KRI1: variants seen among roughly 807,000 people sequenced by gnomAD.
KRI1 encodes KRI1 homolog.
In KRI1, 83 loss-of-function variants were observed where a neutral mutation model predicts 97.0. The ratio of observed to expected loss-of-function variants is 0.86; its 90% CI spans 0.72 to 1.03. The LOEUF (loss-of-function observed/expected upper bound fraction) is 1.03, where lower values mean the gene tolerates loss of function less well. Among genes scored for constraint, KRI1 ranks in the 50% least tolerant of loss-of-function variants. The pLI is 0.00. For synonymous variants in KRI1, 371 were observed against 363.5 expected (o/e 1.02, Z -0.23); for missense variants, 916 against 928.4 (o/e 0.99, Z 0.17).
intron 16 of KRI1, among the ~76,000 whole-genome samples, chr19:10,555,783 G>A (rs936809294): frequency 1.3e-5 from 2 of 152,168 alleles, no homozygotes; most frequent in Non-Finnish European, 2.9e-5. Flanking sequence ...ATTGAATGCC[G>A]ATGGTATAAG....
rs200236072 is a variant in KRI1, at chr19:10,561,650, C to T, written c.488+17G>A. 223 of 1,613,212 alleles carry T rather than the reference C, an allele frequency of 1.4e-4. No homozygotes were observed. The African/African-American group carries it at 2.5e-3, about 18-fold the overall frequency. ...CAACTTTCCTCCATTGGGCCATTCC[C>T]GCCCACCCAGCCTCACCTTTCCTTG... On this transcript the variant is annotated intron_variant, in intron 6 of 18. Coordinates refer to ENST00000312962, the MANE Select transcript of KRI1 (RefSeq NM_023008.5).
Position 10,561,794 on chromosome 19 carries a change from G to T in KRI1, c.435C>A (p.Leu145=), listed in dbSNP as rs1339143998. Residue 145 remains leucine, a synonymous_variant, in exon 5 of 19, where the codon CTC becomes CTA. Transcript: ENST00000312962. ...ACCCAGCCTTCACCCCACCCACCTG[G>T]AGTCTGTGATTGGAAGTCTCCCCGT... ...NSDGETSNHR[L]QETSSQSYVE... 6.2e-7 allele frequency: 1 copy of T among 1,613,926 alleles called. No homozygotes were observed. Among genetic ancestry groups the T allele is most frequent in the Non-Finnish European group, 8.5e-7 (1 of 1,179,924 alleles).
chr19:10,557,892 C>A lies in KRI1; in HGVS notation c.1363G>T (p.Asp455Tyr). Residue 455 changes from aspartate (D) to tyrosine (Y), a missense_variant, in exon 15 of 19, where the codon GAC (aspartate) becomes TAC (tyrosine). Asp to Tyr is a radical substitution (Grantham distance 160, BLOSUM62 -3). This residue lies in a region of KRI1 where 672 missense variants were observed against 667.2 expected (regional missense o/e 1.01). Transcript: ENST00000312962. ...LHCEDPNFNM[D>Y]ADYDPSQPRK... ...GGCTGGCTGGGGTCGTAGTCGGCGT[C>A]CATCTGCCAGGACGCACAGGTCAGA... The A allele has an allele frequency of 6.2e-7, 1 of 1,613,572 alleles. No individual in the cohort carries two copies. Among genetic ancestry groups the A allele is most frequent in the African/African-American group, 1.3e-5 (1 of 75,044 alleles).
rs79724601 is a variant in KRI1 at position 10,554,425 on chromosome 19, C to T, written c.1782-144G>A. On this transcript the variant is annotated intron_variant, in intron 18 of 18. Transcript: ENST00000312962. ...ACCGAGGGCCTGCCTGGGATTCAGA[C>T]CTGGGTTTCAGGCCAAAGCCAGCGC... The T allele has an allele frequency of 2.0e-3, 1,399 of 705,392 alleles. 35 individuals carry two copies. The East Asian group carries it at 0.032, about 16-fold the overall frequency. 43.7% of individuals were successfully genotyped at this position (705,392 alleles called of 1,614,324 possible).
rs200816303 is a variant in KRI1, at chr19:10,561,004, A to G, written c.662T>C (p.Leu221Pro). 3.8e-5 allele frequency: 62 copies of G among 1,612,998 alleles called. No individual in the cohort carries two copies. The highest frequency in any genetic ancestry group is 1.8e-4 in the Admixed American group (11 of 60,016). ...CAGCGACCATGCGTGAGAACTCACC[A>G]GTTCCTTCAGGGAATCTGGGTTCCG... ...EIRNPDSLKE[L>P]THLKEYWNDP... Residue 221 changes from leucine to proline, a missense_variant and splice_region_variant, in exon 8 of 19, where the codon CTG (leucine) becomes CCG (proline). Physicochemically the swap from Leu to Pro is moderately conservative, Grantham distance 98. Transcript: ENST00000312962.
In KRI1 at chr19:10,564,928, C is replaced by T; in HGVS notation, c.274+1G>A. The T allele has an allele frequency of 1.3e-6, 2 of 1,593,474 alleles. No homozygotes were observed. The highest frequency in any genetic ancestry group is 1.7e-6 in the Non-Finnish European group (2 of 1,161,292). On this transcript the variant is annotated splice_donor_variant, in intron 3 of 18. Coordinates refer to ENST00000312962, the MANE Select transcript of KRI1 (RefSeq NM_023008.5). LOFTEE classifies it high-confidence loss of function. ...AGGTTTAGACAGGAGTGGCCCCGGA[C>T]CTGTTCTGTTATAGAAGGTGGCATC...
In KRI1 at chr19:10,564,413, T is replaced by C. The variant is rs191426413; in HGVS notation, c.274+516A>G. ...AGACGGAGGTTGCAGTGAGCTGAGATCGTCCCATTGCAACCCAGCCTGGGC... is the reference window on the plus strand; with the variant it reads ...AGACGGAGGTTGCAGTGAGCTGAGACCGTCCCATTGCAACCCAGCCTGGGC... On this transcript the variant is annotated intron_variant, in intron 3 of 18. Coordinates refer to ENST00000312962, the MANE Select transcript of KRI1 (RefSeq NM_023008.5). Among the ~76,000 whole-genome samples the C allele has an allele frequency of 3.4e-3, 519 of 151,592 alleles. 4 individuals carry two copies. The highest frequency in any genetic ancestry group is 0.011 in the African/African-American group (468 of 41,234).
intron 12 of KRI1, among the ~76,000 whole-genome samples, chr19:10,559,044 G>A (rs1235944163): frequency 7.5e-5 from 11 of 147,488 alleles, no homozygotes; most frequent in African/African-American, 2.8e-4. Context: ...TCCCTCTGTC[G>A]CCCAGGCTGG....
chr19:10,558,226 TC>T lies in KRI1; in HGVS notation c.1207del (p.Asp403ThrfsTer70). ...HDQLMQKCFG[D>X]EYYGAVEEEK... Reference sequence around the variant, plus strand: ...CTCCTCCACGGCCCCGTAGTACTCGTCCCCAAAGCACTTCTGCAGGGTCAGG... The same window carrying T: ...CTCCTCCACGGCCCCGTAGTACTCGTCCCAAAGCACTTCTGCAGGGTCAGG... On this transcript the variant is annotated frameshift_variant, in exon 13 of 19. Coordinates refer to ENST00000312962, the MANE Select transcript of KRI1 (RefSeq NM_023008.5). LOFTEE classifies it high-confidence loss of function. 1 of 1,613,968 alleles carries T rather than the reference TC, an allele frequency of 6.2e-7. No individual in the cohort carries two copies. Among genetic ancestry groups the T allele is most frequent in the Middle Eastern group, 1.6e-4 (1 of 6,062 alleles).
At chr19:10,555,045 G>C in intron 18 of KRI1, 42 bp downstream of exon 18, 1 of 1,528,492 alleles carries the variant, frequency 6.5e-7, no homozygotes, top group Non-Finnish European at 9.0e-7. Flanking sequence ...GCCTGGGCCT[G>C]ACAGGCTCCC....
chr19:10,553,204 G>C lies in KRI1; in HGVS notation c.*747C>G, dbSNP rs1916360081. ...CTCAAGCCCAGCTGCAACCAGTCTGGGGCCATTCAGCCAGGGACAGAGCCC... is the reference window on the plus strand; with the variant it reads ...CTCAAGCCCAGCTGCAACCAGTCTGCGGCCATTCAGCCAGGGACAGAGCCC... On this transcript the variant is annotated 3_prime_UTR_variant, in exon 19 of 19. Coordinates refer to ENST00000312962, the MANE Select transcript of KRI1 (RefSeq NM_023008.5). 4.4e-6 allele frequency: 5 copies of C among 1,126,530 alleles called. No homozygotes were observed. The highest frequency in any genetic ancestry group is 2.9e-4 in the Middle Eastern group (1 of 3,478). The allele number at this position is 1,126,530 out of a possible 1,614,324, so 69.8% of individuals were successfully genotyped here.
In KRI1 at chr19:10,564,990, G is replaced by A. The variant is rs780768800; in HGVS notation, c.213C>T (p.Ser71=). The A allele has an allele frequency of 6.2e-7, 1 of 1,613,978 alleles. No homozygotes were observed. The highest frequency in any genetic ancestry group is 8.5e-7 in the Non-Finnish European group (1 of 1,179,918). Residue 71 remains serine (S), a synonymous_variant, in exon 3 of 19, where the codon TCC becomes TCT. Coordinates refer to ENST00000312962, the MANE Select transcript of KRI1 (RefSeq NM_023008.5). ...QQERDFYKTL[S]LLKKKDPRIY... is the part of the protein sequence containing the mutation. ...TGCGGGGGTCCTTCTTCTTCAACAA[G>A]GAGAGCGTTTTGTAAAAGTCCCGCT...
chr19:10,557,683 C>T lies in KRI1; in HGVS notation c.1487-1G>A. The T allele has an allele frequency of 6.2e-7, 1 of 1,614,200 alleles. No individual in the cohort carries two copies. Among genetic ancestry groups the T allele is most frequent in the Non-Finnish European group, 8.5e-7 (1 of 1,180,006 alleles). On this transcript the variant is annotated splice_acceptor_variant, in intron 15 of 18. Coordinates refer to ENST00000312962, the MANE Select transcript of KRI1 (RefSeq NM_023008.5). LOFTEE classifies it high-confidence loss of function. ...AGGTACTCCTCGAACGTCTTGTCCC[C>T]TGCTCGAGACAGAGCCAGGCTGCTG...
At position 10,554,153 on chromosome 19, in the gene KRI1, G is replaced by C; in HGVS notation, c.1910C>G (p.Pro637Arg). ...ESPPAQEEEA[P>R]VSPHKKPAPQ... ...GGCTGGCTTCTTGTGGGGTGATACA[G>C]GGGCTTCCTCTTCCTGTGCTGGGGG... Residue 637 changes from proline to arginine, a missense_variant, in exon 19 of 19, where the codon CCT (proline) becomes CGT (arginine). Physicochemically the swap from Pro to Arg is moderately radical, Grantham distance 103. This residue lies in a region of KRI1 where 672 missense variants were observed against 667.2 expected (regional missense o/e 1.01). Coordinates refer to ENST00000312962, the MANE Select transcript of KRI1 (RefSeq NM_023008.5). The C allele has an allele frequency of 3.1e-6, 5 of 1,614,068 alleles. No homozygotes were observed. Among genetic ancestry groups the C allele is most frequent in the Non-Finnish European group, 4.2e-6 (5 of 1,180,020 alleles).
At chr19:10,556,958 G>A (rs892842687) in intron 16 of KRI1, among the ~76,000 whole-genome samples, 7 of 151,870 alleles carry the variant, frequency 4.6e-5, no homozygotes, top group Non-Finnish European at 7.4e-5. Context: ...CTCCAGCCTG[G>A]GTGACAGAGC....
At chr19:10,561,750 C>T in intron 5 of KRI1, 34 bp from the exon 6 acceptor site, 1 of 1,614,090 alleles carries the variant, frequency 6.2e-7, no homozygotes, top group Non-Finnish European at 8.5e-7. Flanking sequence ...AGGCCAGCCC[C>T]AGGCCCCTCA....
intron 16 of KRI1, among the ~76,000 whole-genome samples, chr19:10,556,569 A>C (rs1475869680): frequency 6.6e-6 from 1 of 152,054 alleles, no homozygotes; most frequent in Admixed American, 6.6e-5. Context: ...TGGGAGGCTA[A>C]GGCAGGAGAA....
intron 3 of KRI1, among the ~76,000 whole-genome samples, chr19:10,563,411 A>T (rs1599536653): frequency 6.6e-6 from 1 of 150,738 alleles, no homozygotes; most frequent in African/African-American, 2.5e-5. Flanking sequence ...GCATGGCGTG[A>T]CTTGGCTTAC....
chr19:10,555,165 C>T lies in KRI1; in HGVS notation c.1703G>A (p.Arg568Gln), dbSNP rs765168060. ...CMYRSEQEEL[R>Q]DKRAYSQKAQ... ...CTTCTGGCTGTACGCCCGCTTGTCC[C>T]GCAGCTCCTCCTGCTCTGACCTGCA... Residue 568 changes from arginine (R) to glutamine (Q), a missense_variant, in exon 18 of 19, where the codon CGG becomes CAG. This residue lies in a region of KRI1 where 672 missense variants were observed against 667.2 expected (regional missense o/e 1.01). Transcript: ENST00000312962. 38 of 1,612,596 alleles carry T rather than the reference C, an allele frequency of 2.4e-5. No individual in the cohort carries two copies. Among genetic ancestry groups the T allele is most frequent in the Admixed American group, 6.7e-5 (4 of 59,822 alleles).
Sources: allele counts gnomAD v4.1 joint callset (sites outside exome capture counted in the v4.1 genomes callset), GRCh38; gene constraint gnomAD v4.1.1; regional missense constraint gnomAD v4.1.1; transcripts MANE v1.5; gene names NCBI Gene and HGNC (gene_info 2026-07-23, HGNC 2026-07-21).